Variants in GNG7 observed in about 807,000 individuals in gnomAD.
GNG7 encodes the protein guanine nucleotide-binding protein G(I)/G(S)/G(O) subunit gamma-7.
GNG7 carries 1 observed loss-of-function variant against 4.0 expected under a neutral mutation model. The observed-to-expected ratio is 0.25, with a 90% CI of 0.09 to 1.18. GNG7 has a LOEUF of 1.18. Among genes scored for constraint, GNG7 ranks in the 50% most tolerant of loss-of-function variants. The probability of loss-of-function intolerance (pLI) is 0.50; values close to 1 mark genes in which losing one functional copy is unlikely to be tolerated. For synonymous variants in GNG7, 34 were observed against 36.9 expected (o/e 0.92, Z 0.29); for missense variants, 86 against 91.9 (o/e 0.94, Z 0.26).
chr19:2,621,955 G>A (rs969553878), intron 2 of GNG7, among the ~76,000 whole-genome samples: 6 of 152,256 alleles, frequency 3.9e-5, no homozygotes, highest in South Asian at 2.1e-4. Context: ...CGGGTCTGTG[G>A]TCACCTGTTA....
intron 1 of GNG7, among the ~76,000 whole-genome samples, chr19:2,671,370 C>A (rs1983447711): frequency 6.6e-6 from 1 of 152,248 alleles, no homozygotes; most frequent in Non-Finnish European, 1.5e-5. Flanking sequence ...TGAGCCTCGA[C>A]CTGGCCAGCA....
At chr19:2,630,637 G>A (rs916106736) in intron 2 of GNG7, 1 of 151,930 alleles carries the variant, frequency 6.6e-6, no homozygotes, top group African/African-American at 2.4e-5. Context: ...TTCTGAATGA[G>A]CCTGGAATGA....
intron 2 of GNG7, among the ~76,000 whole-genome samples, chr19:2,640,436 T>A (rs1222818631): frequency 6.6e-6 from 1 of 152,120 alleles, no homozygotes; most frequent in Admixed American, 6.5e-5. Flanking sequence ...TCGAGGTTTC[T>A]CGACAAGGAA....
At chr19:2,592,384 C>A (rs1367822638) in intron 2 of GNG7, among the ~76,000 whole-genome samples, 1 of 152,078 alleles carries the variant, frequency 6.6e-6, no homozygotes, top group East Asian at 1.9e-4. Flanking sequence ...AGCAATGTGG[C>A]AGAAAACATC....
intron 2 of GNG7, among the ~76,000 whole-genome samples, chr19:2,621,925 C>G (rs566640062): frequency 5.2e-4 from 79 of 152,236 alleles, no homozygotes; most frequent in African/African-American, 1.9e-3. Context: ...AGAGGACACA[C>G]GTCTGCGGAT....
At chr19:2,529,493 C>T (rs1978518861) in intron 3 of GNG7, among the ~76,000 whole-genome samples, 1 of 152,228 alleles carries the variant, frequency 6.6e-6, no homozygotes, top group South Asian at 2.1e-4. Flanking sequence ...GCTGGGATGA[C>T]AGGCGTGAGC....
At chr19:2,583,930 G>A (rs1980571079) in intron 2 of GNG7, among the ~76,000 whole-genome samples, 1 of 152,146 alleles carries the variant, frequency 6.6e-6, no homozygotes, top group Non-Finnish European at 1.5e-5. Context: ...AGTATCAATA[G>A]TGTGATTCTA....
chr19:2,553,630 TTACA>T (rs1331669635), intron 3 of GNG7, among the ~76,000 whole-genome samples: 2 of 85,000 alleles, frequency 2.4e-5, no homozygotes, highest in African/African-American at 8.5e-5. Context: ...CATGCACACG[TTACA>T]TGTAATATGT....
At chr19:2,568,643 A>G (rs1192183160) in intron 2 of GNG7, among the ~76,000 whole-genome samples, 3 of 123,722 alleles carry the variant, frequency 2.4e-5, no homozygotes, top group Admixed American at 9.5e-5. Flanking sequence ...ATACACATAT[A>G]CACAAATACA....
At chr19:2,565,773 C>A (rs1443443696) in intron 2 of GNG7, among the ~76,000 whole-genome samples, 1 of 152,168 alleles carries the variant, frequency 6.6e-6, no homozygotes, top group African/African-American at 2.4e-5. Context: ...GCTGTGTGAG[C>A]CCGGCCGAGT....
chr19:2,602,574 G>C (rs1013200392), intron 2 of GNG7, among the ~76,000 whole-genome samples: 2 of 152,258 alleles, frequency 1.3e-5, no homozygotes, highest in Admixed American at 6.5e-5. Flanking sequence ...TCGCACAGGC[G>C]GACAGACGGG....
intron 2 of GNG7, among the ~76,000 whole-genome samples, chr19:2,567,471 G>A (rs1979957869): frequency 6.6e-6 from 1 of 152,012 alleles, no homozygotes; most frequent in South Asian, 2.1e-4. Context: ...GACTACAGGT[G>A]CACACTACCA....
In GNG7 at chr19:2,579,608, G is replaced by C. The variant is rs573818761; in HGVS notation, c.-77-24420C>G. On this transcript the variant is annotated intron_variant, in intron 2 of 4. Transcript: ENST00000382159. Reference sequence around the variant, plus strand: ...GCGAGGGGACGGCCGCCGCTGGGCAGCAGCTCCGCCTGCTGGTCACCTTCC... The same window carrying C: ...GCGAGGGGACGGCCGCCGCTGGGCACCAGCTCCGCCTGCTGGTCACCTTCC... Among the ~76,000 whole-genome samples the C allele has an allele frequency of 2.6e-5, 4 of 152,352 alleles. No homozygotes were observed. The South Asian group carries it at 6.2e-4, about 24-fold the overall frequency.
intron 2 of GNG7, among the ~76,000 whole-genome samples, chr19:2,637,514 A>G (rs1280608193): frequency 6.6e-6 from 1 of 152,254 alleles, no homozygotes; most frequent in East Asian, 1.9e-4. Context: ...CGCCCAGCCC[A>G]GCGCCCAGCA....
At chr19:2,537,113 A>AT (rs1240905116) in intron 3 of GNG7, among the ~76,000 whole-genome samples, 18 of 128,662 alleles carry the variant, frequency 1.4e-4, no homozygotes, top group Non-Finnish European at 3.0e-4. Flanking sequence ...CGCCCGGCTA[A>AT]TTTTTTGTAT....
intron 2 of GNG7, among the ~76,000 whole-genome samples, chr19:2,613,161 AC>A (rs11339105): frequency 0.16 from 23,756 of 152,106 alleles, 4,625 homozygotes; most frequent in African/African-American, 0.46. Flanking sequence ...TGCAAGTTTA[AC>A]CCGGCTGGTG....
chr19:2,558,709 CTCT>C (rs915275454), intron 2 of GNG7, among the ~76,000 whole-genome samples: 1 of 151,358 alleles, frequency 6.6e-6, no homozygotes, highest in African/African-American at 2.4e-5. Context: ...ACTTTCTTTC[CTCT>C]TCTTTCTTTC....
At position 2,511,878 on chromosome 19, in the gene GNG7, G is replaced by A; in HGVS notation, c.*3144C>T. 1.0e-6 allele frequency: 1 copy of A among 986,314 alleles called. No individual in the cohort carries two copies. The highest frequency in any genetic ancestry group is 1.2e-6 in the Non-Finnish European group (1 of 830,290). The allele number at this position is 986,314 out of a possible 1,614,324, so 61.1% of individuals were successfully genotyped here. On this transcript the variant is annotated 3_prime_UTR_variant, in exon 5 of 5. Coordinates refer to ENST00000382159, the MANE Select transcript of GNG7 (RefSeq NM_052847.3). This position sits in a 1 kb window ranked among gnomAD's most constrained non-coding sequence, Gnocchi z 6.3. ...GGGTGGGAGAGGGGTGAGGGTTCTGGCTCCTTCCTGGAGAGAGGAGGGCAG... is the reference window on the plus strand; with the variant it reads ...GGGTGGGAGAGGGGTGAGGGTTCTGACTCCTTCCTGGAGAGAGGAGGGCAG...
chr19:2,562,880 G>A (rs1979786002), intron 2 of GNG7, among the ~76,000 whole-genome samples: 1 of 152,168 alleles, frequency 6.6e-6, no homozygotes, highest in Admixed American at 6.5e-5. Flanking sequence ...TTACACCATC[G>A]GCCCCATCGG....
Sources: gnomAD v4.1 joint callset for allele counts (sites outside exome capture counted in the v4.1 genomes callset) on GRCh38, gnomAD v4.1.1 for gene constraint, Gnocchi (gnomAD v3.1) non-coding constraint, MANE v1.5 for transcripts, NCBI Gene and HGNC (gene_info 2026-07-23, HGNC 2026-07-21) for gene names.